NOX5: variants seen among roughly 807,000 people sequenced by gnomAD.
The protein encoded by NOX5 is NADPH oxidase 5.
Under a neutral mutation model 85.7 loss-of-function variants are expected in NOX5, and 76 were observed. That is an observed-to-expected ratio of 0.89 (90% confidence interval 0.74 to 1.07). The LOEUF is 1.07. NOX5 is among the 50% of genes least tolerant of loss of function. NOX5 has a pLI of 0.00. For missense variants in NOX5, 973 were observed against 999.5 expected, an observed-to-expected ratio of 0.97 and a Z score of 0.36; for synonymous variants, 405 against 401.4, an observed-to-expected ratio of 1.01 and a Z score of -0.11.
At chr15:69,027,966 A>G (rs940638249) in intron 2 of NOX5, among the ~76,000 whole-genome samples, 4 of 152,110 alleles carry the variant, frequency 2.6e-5, no homozygotes, top group Admixed American at 2.6e-4. Flanking sequence ...AGCCCATGCA[A>G]ATTACAAAGT....
chr15:69,031,129 G>A (rs774937016), intron 3 of NOX5: 7 of 215,458 alleles, frequency 3.2e-5, no homozygotes, highest in Non-Finnish European at 5.5e-5. Flanking sequence ...AAGACAACAT[G>A]ATAAACAGAG....
At position 69,035,771 on chromosome 15, in the gene NOX5, G is replaced by C; in HGVS notation, c.1023G>C (p.Gln341His). The C allele has an allele frequency of 6.2e-7, 1 of 1,614,148 alleles. No homozygotes were observed. The highest frequency in any genetic ancestry group is 8.5e-7 in the Non-Finnish European group (1 of 1,180,014). Residue 341 changes from glutamine to histidine, a missense_variant, in exon 7 of 16, where the codon CAG becomes CAC. Gln to His is a conservative substitution (Grantham distance 24, BLOSUM62 0). Coordinates refer to ENST00000388866, the MANE Select transcript of NOX5 (RefSeq NM_024505.4). ...GCTTGTTTCCAGTACTCCAGGCTCA[G>C]GCGGAGGCCAGCCCTTTCCAGTTCT... ...AHTVNFVLQA[Q>H]AEASPFQFWE...
chr15:69,056,697 C>T lies in NOX5; in HGVS notation c.*1C>T. ...CAGATTTTTCCAAGAGAATTTCTAGCCTCACCTCTCCAAGCTCTGCCCCAA... is the reference window on the plus strand; with the variant it reads ...CAGATTTTTCCAAGAGAATTTCTAGTCTCACCTCTCCAAGCTCTGCCCCAA... On this transcript the variant is annotated 3_prime_UTR_variant, in exon 16 of 16. Coordinates refer to ENST00000388866, the MANE Select transcript of NOX5 (RefSeq NM_024505.4). The T allele has an allele frequency of 6.2e-7, 1 of 1,613,332 alleles. No individual in the cohort carries two copies. Among genetic ancestry groups the T allele is most frequent in the Non-Finnish European group, 8.5e-7 (1 of 1,179,896 alleles).
chr15:69,055,270 A>G, intron 14 of NOX5, 64 bp from the exon 15 acceptor site: 1 of 1,553,166 alleles, frequency 6.4e-7, no homozygotes, highest in Admixed American at 1.8e-5. Flanking sequence ...AGTGGTTGGC[A>G]TCCTGCCCTG....
intron 3 of NOX5, chr15:69,031,145 G>A (rs2050423036): frequency 8.3e-6 from 2 of 242,204 alleles, no homozygotes; most frequent in African/African-American, 4.4e-5. Context: ...CAGAGCATTT[G>A]CTCCAAGTTG....
chr15:69,059,198 T>G lies in NOX5; in HGVS notation c.*2502T>G, dbSNP rs1197267250. On this transcript the variant is annotated 3_prime_UTR_variant, in exon 16 of 16. Coordinates refer to ENST00000388866, the MANE Select transcript of NOX5 (RefSeq NM_024505.4). ...TCTAAAATCCGTGAATGCCCACATG[T>G]GTGACGACCATATGCCCGTGTCCTG... 2 of 152,190 alleles carry G rather than the reference T, an allele frequency of 1.3e-5. No individual in the cohort carries two copies. Among genetic ancestry groups the G allele is most frequent in the African/African-American group, 4.8e-5 (2 of 41,440 alleles). The allele number at this position is 152,190 out of a possible 1,614,324, so 9.4% of individuals were successfully genotyped here. A position where few individuals can be genotyped will look rare whatever the true frequency, so the allele number is the denominator to read the frequency against.
rs1328000601 is a variant in NOX5, at chr15:69,055,552, T to C, written c.2166+52T>C. Reference sequence around the variant, plus strand: ...TGCAGGTATGGATGAAGCTGAGAGCTCGAGGCAGCGGTGGGGAGACGAGGC... The same window carrying C: ...TGCAGGTATGGATGAAGCTGAGAGCCCGAGGCAGCGGTGGGGAGACGAGGC... On this transcript the variant is annotated intron_variant, in intron 15 of 15. Transcript: ENST00000388866. 4 of 1,588,508 alleles carry C rather than the reference T, an allele frequency of 2.5e-6. No homozygotes were observed. The Admixed American group carries it at 6.8e-5, about 27-fold the overall frequency.
At chr15:69,056,521 C>G in intron 15 of NOX5, 44 bp from the exon 16 acceptor site, 1 of 1,602,910 alleles carries the variant, frequency 6.2e-7, no homozygotes, top group South Asian at 1.1e-5. Context: ...GTCAGCAGCT[C>G]CACCTATCTT....
intron 1 of NOX5, among the ~76,000 whole-genome samples, chr15:69,017,850 G>A (rs1442832259): frequency 6.6e-6 from 1 of 151,914 alleles, no homozygotes; most frequent in Non-Finnish European, 1.5e-5. Context: ...TGCCTATAAA[G>A]AGGTCAAACA....
chr15:69,045,536 T>TCTTTCTTTCTTTC (rs1555437202), intron 10 of NOX5, among the ~76,000 whole-genome samples: 5 of 94,470 alleles, frequency 5.3e-5, no homozygotes, highest in Non-Finnish European at 9.6e-5. Context: ...TTCCTTTCTT[T>TCTTTCTTTCTTTC]TTTCTTTCTT....
Position 69,034,832 on chromosome 15 carries a change from G to A in NOX5, c.856-522G>A, listed in dbSNP as rs148244960. ...ATCATAGGTTGCTGTAACCTCAAAC[G>A]CCTGGGCTCAAGCAATCCTGGGCTC... On this transcript the variant is annotated intron_variant, in intron 5 of 15. Coordinates refer to ENST00000388866, the MANE Select transcript of NOX5 (RefSeq NM_024505.4). Among the ~76,000 whole-genome samples, 931 of 152,226 alleles carry A rather than the reference G, an allele frequency of 6.1e-3. 4 individuals are homozygous for A. Among genetic ancestry groups the A allele is most frequent in the Non-Finnish European group, 9.1e-3 (622 of 68,006 alleles).
chr15:69,049,082 G>T, intron 14 of NOX5, 24 bp downstream of exon 14: 1 of 1,544,240 alleles, frequency 6.5e-7, no homozygotes, highest in South Asian at 1.2e-5. Context: ...AGGGCCTGAG[G>T]GCAGTAGGAG....
In NOX5 at chr15:69,056,642, G is replaced by A. The variant is rs765104976; in HGVS notation, c.2244G>A (p.Val748=). The A allele has an allele frequency of 8.7e-6, 14 of 1,613,824 alleles. No homozygotes were observed. The highest frequency in any genetic ancestry group is 1.2e-5 in the Non-Finnish European group (14 of 1,180,036). Reference sequence around the variant, plus strand: ...GTGGCTCCCCAGCTCTGGCCAAGGTGCTGAAGGGCCATTGTGAGAAGTTCG... The same window carrying A: ...GTGGCTCCCCAGCTCTGGCCAAGGTACTGAAGGGCCATTGTGAGAAGTTCG... ...FFCGSPALAK[V]LKGHCEKFGF... Residue 748 remains valine (V), a synonymous_variant, in exon 16 of 16, where the codon GTG becomes GTA. Transcript: ENST00000388866.
Position 69,042,737 on chromosome 15 carries a change from C to A in NOX5, c.1579C>A (p.Pro527Thr). 1 of 1,614,140 alleles carries A rather than the reference C, an allele frequency of 6.2e-7. No individual in the cohort carries two copies. The highest frequency in any genetic ancestry group is 8.5e-7 in the Non-Finnish European group (1 of 1,180,024). The change falls in exon 10 of 16, where the codon CCA (proline) becomes ACA (threonine). Residue 527 changes from proline (P) to threonine (T), a missense_variant. Coordinates refer to ENST00000388866, the MANE Select transcript of NOX5 (RefSeq NM_024505.4). ...GTATGAGTCCTTCAAGGCATCAGAC[C>A]CACTGGGCCGTGGTTCTAAGAGGCT... ...RLYESFKASD[P>T]LGRGSKRLSR... is the part of the protein sequence containing the mutation.
intron 1 of NOX5, among the ~76,000 whole-genome samples, chr15:69,015,796 TG>T (rs774059605): frequency 6.6e-6 from 1 of 151,208 alleles, no homozygotes; most frequent in Non-Finnish European, 1.5e-5. Flanking sequence ...TGAATGTCTT[TG>T]GGGGGGCAGT....
chr15:69,033,385 T>A lies in NOX5; in HGVS notation c.855+108T>A, dbSNP rs886349975. 3.9e-6 allele frequency: 5 copies of A among 1,292,134 alleles called. No individual in the cohort carries two copies. In the African/African-American group the frequency reaches 7.7e-5, roughly 20 times the overall value. The allele number at this position is 1,292,134 out of a possible 1,614,324, so 80.0% of individuals were successfully genotyped here. The stretch of plus-strand genomic sequence containing the variant: ...GGACACCTGGAATGCCAGGGCAGGG[T>A]GGCACCTTAGAAATCAGCTGGGCCA... On this transcript the variant is annotated intron_variant, in intron 5 of 15. Transcript: ENST00000388866.
chr15:69,047,720 T>A (rs958358272), intron 12 of NOX5, 110 bp from the exon 13 acceptor site: 7 of 1,326,198 alleles, frequency 5.3e-6, no homozygotes, highest in Non-Finnish European at 7.4e-6. Context: ...CCCTTCCTCA[T>A]AGAGTGGGCT....
intron 8 of NOX5, 107 bp from the exon 9 acceptor site, chr15:69,038,750 C>A: frequency 6.7e-7 from 1 of 1,482,520 alleles, no homozygotes; most frequent in Non-Finnish European, 9.4e-7. Flanking sequence ...TCGGGGCATG[C>A]CTGTTTTATG....
rs542949609 is a variant in NOX5, at chr15:69,047,878, C to T, written c.1866C>T (p.Ile622=). The part of the protein sequence containing the change: ...HTCPSCQHSW[I]EGVQDNMKLH... ...GCCCCAGCTGCCAGCACTCCTGGAT[C>T]GAAGGTGTCCAAGACAACATGAAGC... The change falls in exon 13 of 16, where the codon ATC becomes ATT. Residue 622 remains isoleucine, a synonymous_variant. Coordinates refer to ENST00000388866, the MANE Select transcript of NOX5 (RefSeq NM_024505.4). 1.9e-6 allele frequency: 3 copies of T among 1,614,146 alleles called. No individual in the cohort carries two copies. Among genetic ancestry groups the T allele is most frequent in the East Asian group, 4.5e-5 (2 of 44,864 alleles).
Sources: gnomAD v4.1 joint callset for allele counts (sites outside exome capture counted in the v4.1 genomes callset) on GRCh38, gnomAD v4.1.1 for gene constraint, MANE v1.5 for transcripts, NCBI Gene and HGNC (gene_info 2026-07-23, HGNC 2026-07-21) for gene names.